Variants in SLC43A1 observed in about 807,000 individuals in gnomAD.
SLC43A1 encodes large neutral amino acids transporter small subunit 3.
SLC43A1 carries 31 observed loss-of-function variants against 59.5 expected under a neutral mutation model. The observed-to-expected ratio is 0.52, with a 90% CI of 0.39 to 0.70. The LOEUF (loss-of-function observed/expected upper bound fraction) is 0.70. Among genes scored for constraint, SLC43A1 ranks in the 30% least tolerant of loss-of-function variants. The pLI, the probability that SLC43A1 is intolerant of heterozygous loss-of-function variation, is 0.00. For missense variants in SLC43A1, 598 were observed against 717.8 expected, an observed-to-expected ratio of 0.83 and a Z score of 1.91; for synonymous variants, 259 against 290.9, an observed-to-expected ratio of 0.89 and a Z score of 1.12.
intron 13 of SLC43A1, among the ~76,000 whole-genome samples, chr11:57,488,139 G>A (rs550417676): frequency 6.6e-6 from 1 of 152,270 alleles, no homozygotes; most frequent in South Asian, 2.1e-4. Context: ...CTGAGACAGC[G>A]GGGCCAGGGC....
chr11:57,486,893 T>A (rs1189118924), intron 14 of SLC43A1, among the ~76,000 whole-genome samples: 1 of 152,152 alleles, frequency 6.6e-6, no homozygotes, highest in Non-Finnish European at 1.5e-5. Flanking sequence ...GGCTGAGATA[T>A]CCTGATTCAG....
At chr11:57,488,793 T>C in intron 13 of SLC43A1, 123 bp downstream of exon 13, 1 of 815,750 alleles carries the variant, frequency 1.2e-6, no homozygotes, top group Non-Finnish European at 2.1e-6. Context: ...GTGAGCTCCC[T>C]GCCATCAGAG....
At chr11:57,501,115 C>T (rs554360466) in intron 3 of SLC43A1, 37 bp downstream of exon 3, 2 of 1,611,060 alleles carry the variant, frequency 1.2e-6, no homozygotes, top group East Asian at 2.2e-5. Context: ...GCAGCACGGT[C>T]CCTGTCCTCC....
chr11:57,514,246 T>C lies in SLC43A1; in HGVS notation c.-13-122A>G. On this transcript the variant is annotated intron_variant, in intron 1 of 14. Transcript: ENST00000278426. The surrounding 1 kb of genome is among the most constrained non-coding windows in gnomAD (Gnocchi z 5.5). ...CGAGGAGCCCCTCATGGAGGCCCCA[T>C]AGAGCCCTGGGCTTCCCAGCCGGTG... is the stretch of plus-strand genomic sequence containing the variant. The C allele has an allele frequency of 1.7e-6, 2 of 1,211,350 alleles. No homozygotes were observed. Among genetic ancestry groups the C allele is most frequent in the Non-Finnish European group, 2.2e-6 (2 of 895,506 alleles). 75.0% of individuals were successfully genotyped at this position (1,211,350 alleles called of 1,614,324 possible). A position where few individuals can be genotyped will look rare whatever the true frequency, so the allele number is the denominator to read the frequency against.
chr11:57,495,219 T>C (rs1590756759), intron 7 of SLC43A1, among the ~76,000 whole-genome samples: 1 of 151,992 alleles, frequency 6.6e-6, no homozygotes, highest in Non-Finnish European at 1.5e-5. Flanking sequence ...CTGAGCATGG[T>C]GGCTCACGCC....
chr11:57,488,885 T>C, intron 13 of SLC43A1, 31 bp downstream of exon 13: 3 of 1,593,782 alleles, frequency 1.9e-6, no homozygotes, highest in Non-Finnish European at 2.6e-6. Context: ...GTTGCAAAGC[T>C]CAGGAAGGCA....
rs1045019906 is a variant in SLC43A1 at position 57,514,331 on chromosome 11, C to G, written c.-13-207G>C. Reference sequence around the variant, plus strand: ...AGAGGTGCACGCGGCACGGGGCTCCCGCTGAGCCACTATCGGAAACAAGGA... The same window carrying G: ...AGAGGTGCACGCGGCACGGGGCTCCGGCTGAGCCACTATCGGAAACAAGGA... On this transcript the variant is annotated intron_variant, in intron 1 of 14. Coordinates refer to ENST00000278426, the MANE Select transcript of SLC43A1 (RefSeq NM_003627.6). This position sits in a 1 kb window ranked among gnomAD's most constrained non-coding sequence, Gnocchi z 5.5. 7.0e-6 allele frequency: 4 copies of G among 568,550 alleles called. No homozygotes were observed. The highest frequency in any genetic ancestry group is 1.2e-5 in the Non-Finnish European group (4 of 325,128). 35.2% of individuals were successfully genotyped at this position (568,550 alleles called of 1,614,324 possible). A position where few individuals can be genotyped will look rare whatever the true frequency, so the allele number is the denominator to read the frequency against.
chr11:57,501,357 A>C, intron 2 of SLC43A1, 28 bp from the exon 3 acceptor site: 1 of 1,602,094 alleles, frequency 6.2e-7, no homozygotes, highest in Non-Finnish European at 8.5e-7. Context: ...AGGGCTCAGC[A>C]CATGACACCA....
intron 2 of SLC43A1, among the ~76,000 whole-genome samples, chr11:57,510,263 C>G (rs1290869676): frequency 6.6e-6 from 1 of 151,622 alleles, no homozygotes; most frequent in Admixed American, 6.6e-5. Context: ...TCGAAACCAA[C>G]CTGGCCAACA....
At chr11:57,497,026 C>G (rs1247332174) in intron 6 of SLC43A1, among the ~76,000 whole-genome samples, 1 of 152,178 alleles carries the variant, frequency 6.6e-6, no homozygotes, top group Non-Finnish European at 1.5e-5. Flanking sequence ...GAAGGGAGAA[C>G]TGCCCACCCT....
rs960901999 is a variant in SLC43A1, at chr11:57,494,046, T to C, written c.818A>G (p.Asp273Gly). 1.9e-6 allele frequency: 3 copies of C among 1,609,998 alleles called. No homozygotes were observed. Among genetic ancestry groups the C allele is most frequent in the African/African-American group, 1.3e-5 (1 of 74,652 alleles). The change falls in exon 8 of 15, where the codon GAT (aspartate) becomes GGT (glycine). Residue 273 changes from aspartate (D) to glycine (G), a missense_variant. Asp to Gly is a moderately conservative substitution (Grantham distance 94). Transcript: ENST00000278426. ...QKAPSLEDGS[D>G]AFMSPQDVRG... is the part of the protein sequence containing the mutation. ...AACATCCTGGGGTGACATGAAGGCA[T>C]CCGAACCGTCCTCCAGGCTGGGGGC...
chr11:57,498,441 C>A (rs1230931383), intron 5 of SLC43A1, among the ~76,000 whole-genome samples: 2 of 151,812 alleles, frequency 1.3e-5, no homozygotes, highest in Admixed American at 6.6e-5. Flanking sequence ...ACTATGTCCC[C>A]ACCCCCCAAA....
Position 57,501,780 on chromosome 11 carries a change from G to A in SLC43A1, c.155-451C>T, listed in dbSNP as rs555144132. Among the ~76,000 whole-genome samples the A allele has an allele frequency of 1.2e-4, 18 of 152,250 alleles. No homozygotes were observed. The South Asian group carries it at 1.5e-3, about 12-fold the overall frequency. On this transcript the variant is annotated intron_variant, in intron 2 of 14. Transcript: ENST00000278426. Reference sequence around the variant, plus strand: ...TGTGGGAGGCTGAGACAGGCAGATCGCTTAAGCCTACAAGTTTGAGACCAG... The same window carrying A: ...TGTGGGAGGCTGAGACAGGCAGATCACTTAAGCCTACAAGTTTGAGACCAG...
intron 8 of SLC43A1, among the ~76,000 whole-genome samples, chr11:57,492,446 A>T (rs1294973743): frequency 3.0e-5 from 4 of 135,420 alleles, no homozygotes; most frequent in South Asian, 2.2e-4. Flanking sequence ...TATATATATA[A>T]AATATAATAT....
At chr11:57,501,723 G>A (rs780840930) in intron 2 of SLC43A1, among the ~76,000 whole-genome samples, 10 of 152,296 alleles carry the variant, frequency 6.6e-5, no homozygotes, top group Non-Finnish European at 1.3e-4. Flanking sequence ...AAAATGGCCC[G>A]GCGTGGTAGT....
At chr11:57,500,510 C>A (rs1158942730) in intron 5 of SLC43A1, among the ~76,000 whole-genome samples, 2 of 152,168 alleles carry the variant, frequency 1.3e-5, no homozygotes, top group Non-Finnish European at 2.9e-5. Context: ...AGTCCAGGAC[C>A]TAGAACAGAG....
rs141938667 is a variant in SLC43A1, at chr11:57,491,847, C to A, written c.887G>T (p.Arg296Leu). Residue 296 changes from arginine (R) to leucine (L), a missense_variant, in exon 9 of 15, where the codon CGC (arginine) becomes CTC (leucine). Arg to Leu is a moderately radical substitution (Grantham distance 102). Transcript: ENST00000278426. ...GAAAGTGGGGGAGCAGAGGCTCTTG[C>A]GTAAGGGGACAGACCCTGGGGAGAC... ...ENLPERSVPL[R>L]KSLCSPTFLW... 9 of 1,614,098 alleles carry A rather than the reference C, an allele frequency of 5.6e-6. No individual in the cohort carries two copies. Among genetic ancestry groups the A allele is most frequent in the Non-Finnish European group, 7.6e-6 (9 of 1,180,016 alleles).
intron 14 of SLC43A1, among the ~76,000 whole-genome samples, chr11:57,485,518 A>T (rs556395253): frequency 1.0e-3 from 153 of 152,340 alleles, no homozygotes; most frequent in Non-Finnish European, 2.1e-3. Flanking sequence ...AGGAAGGCAC[A>T]GCACTGTAGG....
intron 8 of SLC43A1, among the ~76,000 whole-genome samples, chr11:57,492,735 CAAA>C (rs56237225): frequency 5.0e-4 from 42 of 83,520 alleles, no homozygotes; most frequent in Non-Finnish European, 7.7e-4. Flanking sequence ...CTCTATTTTA[CAAA>C]AAAAAAAAAA....
Sources: gnomAD v4.1 joint callset for allele counts (sites outside exome capture counted in the v4.1 genomes callset) on GRCh38, gnomAD v4.1.1 for gene constraint, Gnocchi (gnomAD v3.1) non-coding constraint, MANE v1.5 for transcripts, NCBI Gene and HGNC (gene_info 2026-07-23, HGNC 2026-07-21) for gene names.